ARL10: variants seen among roughly 807,000 people sequenced by gnomAD.
The protein encoded by ARL10 is ADP-ribosylation factor-like protein 10.
In ARL10, 23 loss-of-function variants were observed where a neutral mutation model predicts 26.1. The observed-to-expected ratio is 0.88, with a 90% confidence interval of 0.63 to 1.25. The LOEUF (loss-of-function observed/expected upper bound fraction) is 1.25. Ranked by LOEUF, ARL10 falls within the 50% of genes most tolerant of loss-of-function variation. ARL10 has a pLI of 0.00. For missense variants in ARL10, 300 were observed against 323.6 expected (o/e 0.93, Z 0.56); for synonymous variants, 138 against 149.1 (o/e 0.93, Z 0.54).
intron 1 of ARL10, among the ~76,000 whole-genome samples, chr5:176,396,310 G>A (rs916706534): frequency 6.6e-6 from 1 of 152,180 alleles, no homozygotes; most frequent in Non-Finnish European, 1.5e-5. Flanking sequence ...CTTCACTGGA[G>A]GGAGGGAGGT....
At chr5:176,367,828 C>T in intron 2 of ARL10, 4 of 497,658 alleles carry the variant, frequency 8.0e-6, no homozygotes, top group Admixed American at 4.5e-5. Context: ...TCCCTTTTTT[C>T]TGTTTTATTT....
At chr5:176,370,862 G>T (rs542598789) in intron 3 of ARL10, among the ~76,000 whole-genome samples, 3 of 152,160 alleles carry the variant, frequency 2.0e-5, no homozygotes, top group Non-Finnish European at 4.4e-5. Context: ...GTCTTGTCTG[G>T]AAGTGATCCT....
chr5:176,410,783 C>T, the ARL10 span, among the ~76,000 whole-genome samples: 287 of 151,702 alleles, frequency 1.9e-3, 2 homozygotes, highest in African/African-American at 6.7e-3. Context: ...CCTGAGGCGC[C>T]TTGAGCAACT....
chr5:176,406,228 A>G, downstream of ARL10: 1 of 1,006,438 alleles, frequency 9.9e-7, no homozygotes, highest in Non-Finnish European at 1.2e-6. Flanking sequence ...CAGCGGCTAG[A>G]GCAATGTTCT....
downstream of ARL10, among the ~76,000 whole-genome samples, chr5:176,390,118 G>T (rs1756202361): frequency 6.8e-6 from 1 of 147,754 alleles, no homozygotes; most frequent in Non-Finnish European, 1.5e-5. Flanking sequence ...GGAGGCGGAG[G>T]TTGTGGTGAG....
downstream of ARL10, chr5:176,385,243 T>C (rs757323676): frequency 2.5e-6 from 4 of 1,610,184 alleles, no homozygotes; most frequent in Admixed American, 3.3e-5. Flanking sequence ...CCCGTGGTTC[T>C]CTACCATGTA....
rs1343228726 is a variant in ARL10 at position 176,369,244 on chromosome 5, T to G, written c.561+262T>G. The G allele has an allele frequency of 2.8e-6, 4 of 1,428,382 alleles. No individual in the cohort carries two copies. In the Admixed American group the frequency reaches 8.9e-5, roughly 32 times the overall value. 88.5% of individuals were successfully genotyped at this position (1,428,382 alleles called of 1,614,324 possible). ...CAGGCATGGTGTTTTGTTTTTGTTT[T>G]TTTTTTGAGACAGAGTCTTGTTCTG... On this transcript the variant is annotated intron_variant, in intron 3 of 3. Coordinates refer to ENST00000310389, the MANE Select transcript of ARL10 (RefSeq NM_173664.6).
chr5:176,374,192 A>C lies in ARL10; in HGVS notation c.*2297A>C, dbSNP rs976424927. 6.6e-6 allele frequency: 1 copy of C among 152,216 alleles called. No individual in the cohort carries two copies. The highest frequency in any genetic ancestry group is 1.5e-5 in the Non-Finnish European group (1 of 68,042). The allele number at this position is 152,216 out of a possible 1,614,324, so 9.4% of individuals were successfully genotyped here. ...TTAGGTTACGAGTTGTTTACACGTT[A>C]AGTTACAATTCACTGTGTACAGAGG... On this transcript the variant is annotated 3_prime_UTR_variant, in exon 4 of 4. Coordinates refer to ENST00000310389, the MANE Select transcript of ARL10 (RefSeq NM_173664.6).
downstream of ARL10, chr5:176,389,228 G>A (rs1310937243): frequency 1.4e-6 from 2 of 1,385,530 alleles, no homozygotes; most frequent in Non-Finnish European, 2.0e-6. Flanking sequence ...CCCTCCCTCC[G>A]CTGTGATCCA....
chr5:176,400,211 A>G (rs183007067), intron 1 of ARL10, among the ~76,000 whole-genome samples: 1 of 151,954 alleles, frequency 6.6e-6, no homozygotes, highest in East Asian at 1.9e-4. Context: ...AAAAAAAAGA[A>G]AGAAAGAAAG....
chr5:176,365,966 G>GCCACGCCGTCGCT (rs1320318959), intron 1 of ARL10, among the ~76,000 whole-genome samples: 1 of 152,190 alleles, frequency 6.6e-6, no homozygotes, highest in East Asian at 1.9e-4. Context: ...GCGCCTTGGC[G>GCCACGCCGTCGCT]CCACGCCGTC....
rs1263245910 is a variant in ARL10, at chr5:176,366,365, T to A, written c.184-15T>A. On this transcript the variant is annotated splice_polypyrimidine_tract_variant and intron_variant, in intron 1 of 3. Coordinates refer to ENST00000310389, the MANE Select transcript of ARL10 (RefSeq NM_173664.6). ...GGAGGCCGCCAGCCGCAACCTTACC[T>A]CCGCTTCCCCGCAGCCCGAGGACGA... 1 of 1,599,444 alleles carries A rather than the reference T, an allele frequency of 6.3e-7. No individual in the cohort carries two copies. The highest frequency in any genetic ancestry group is 2.2e-5 in the East Asian group (1 of 44,536).
chr5:176,365,854 T>TG (rs1166667766), intron 1 of ARL10, 108 bp downstream of exon 1: 5 of 1,165,674 alleles, frequency 4.3e-6, no homozygotes, highest in South Asian at 4.3e-5. Context: ...GCCGGGAGCT[T>TG]GGGGGGTCGA....
chr5:176,368,893 C>T lies in ARL10; in HGVS notation c.472C>T (p.Arg158Ter), dbSNP rs771015954. The change falls in exon 3 of 4, where the codon CGA becomes TGA. Residue 158 changes from arginine (R) to a stop codon, truncating the protein, a stop_gained. Coordinates refer to ENST00000310389, the MANE Select transcript of ARL10 (RefSeq NM_173664.6). LOFTEE classifies it high-confidence loss of function. The surrounding 1 kb of genome is among the most constrained non-coding windows in gnomAD (Gnocchi z 4.1). Reference protein sequence around the residue: ...VLVFVVDSADRLRLPWARQEL... With the variant: ...VLVFVVDSAD ...GGTGTTTGTGGTGGACTCGGCTGAC[C>T]GACTGCGGCTGCCCTGGGCCCGACA... 27 of 1,614,138 alleles carry T rather than the reference C, an allele frequency of 1.7e-5. No homozygotes were observed. Among genetic ancestry groups the T allele is most frequent in the East Asian group, 4.5e-5 (2 of 44,882 alleles).
chr5:176,410,495 C>T, the ARL10 span, among the ~76,000 whole-genome samples: 1 of 152,188 alleles, frequency 6.6e-6, no homozygotes, highest in Non-Finnish European at 1.5e-5. Context: ...AAGCCTCTCA[C>T]AGCCATTAGT....
chr5:176,408,953 C>G, the ARL10 span, among the ~76,000 whole-genome samples: 2 of 151,618 alleles, frequency 1.3e-5, no homozygotes, highest in South Asian at 4.2e-4. Flanking sequence ...TGGTACACAT[C>G]CTTTCAGATA....
chr5:176,387,106 CAG>C (rs1323784573), intron 1 of ARL10, among the ~76,000 whole-genome samples: 2 of 151,102 alleles, frequency 1.3e-5, no homozygotes, highest in African/African-American at 4.9e-5. Context: ...CTTTTTGAGA[CAG>C]AGTCTCATTC....
chr5:176,389,012 G>C (rs1168335602), downstream of ARL10: 2 of 1,610,650 alleles, frequency 1.2e-6, no homozygotes, highest in East Asian at 2.2e-5. Context: ...GGAGAGGACA[G>C]TGATGTCGGA....
At chr5:176,385,440 A>G (rs753481204), downstream of ARL10, 10 of 677,372 alleles carry the variant, frequency 1.5e-5, no homozygotes, top group Middle Eastern at 1.4e-3. Context: ...CACCACACCA[A>G]CCACCTGGGG....
Sources: allele counts gnomAD v4.1 joint callset (sites outside exome capture counted in the v4.1 genomes callset), GRCh38; gene constraint gnomAD v4.1.1; non-coding constraint Gnocchi (gnomAD v3.1); transcripts MANE v1.5; gene names NCBI Gene and HGNC (gene_info 2026-07-23, HGNC 2026-07-21).